The following HIVEP3 variants were observed in gnomAD, a reference collection of about 807,000 sequenced individuals.
HIVEP3 encodes the protein transcription factor HIVEP3.
A neutral mutation model predicts 152.8 loss-of-function variants in HIVEP3; 49 were observed. The ratio of observed to expected loss-of-function variants is 0.32; its 90% CI spans 0.26 to 0.41. The LOEUF is 0.41. Ranked by LOEUF, HIVEP3 falls within the 10% of genes least tolerant of loss-of-function variation. The pLI is 1.00. For missense variants in HIVEP3, 2,790 were observed against 3,103.3 expected (o/e 0.90, Z 2.40); for synonymous variants, 1,269 against 1,289.0 (o/e 0.98, Z 0.33).
chr1:41,686,472 G>A (rs1196462348), intron 2 of HIVEP3, among the ~76,000 whole-genome samples: 1 of 152,188 alleles, frequency 6.6e-6, no homozygotes, highest in Non-Finnish European at 1.5e-5. Flanking sequence ...CAAGGAGTAG[G>A]AATCCATCAA....
chr1:41,856,267 G>A (rs1643762844), intron 1 of HIVEP3, among the ~76,000 whole-genome samples: 1 of 152,194 alleles, frequency 6.6e-6, no homozygotes, highest in Admixed American at 6.5e-5. Context: ...TGATTGAAAA[G>A]CAAATGAACA....
At chr1:41,820,842 G>C (rs1179949928) in intron 1 of HIVEP3, among the ~76,000 whole-genome samples, 1 of 152,236 alleles carries the variant, frequency 6.6e-6, no homozygotes, top group African/African-American at 2.4e-5. Flanking sequence ...CTAGCACAGA[G>C]TAGGAACTCA....
In HIVEP3 at chr1:41,510,940, C is replaced by T; in HGVS notation, c.6732G>A (p.Trp2244Ter). The change falls in exon 9 of 9, where the codon TGG becomes TGA. Residue 2244 changes from tryptophan (W) to a stop codon, truncating the protein, a stop_gained. Transcript: ENST00000372583. LOFTEE classifies it high-confidence loss of function. ...GAREAQERGR[W>*]SPTESSSASV... ...AGGCTGACGAGCTCTCAGTGGGACTCCAGCGGCCTCGCTCCTGGGCCTCCC... is the reference window on the plus strand; with the variant it reads ...AGGCTGACGAGCTCTCAGTGGGACTTCAGCGGCCTCGCTCCTGGGCCTCCC... 1 of 1,613,582 alleles carries T rather than the reference C, an allele frequency of 6.2e-7. No homozygotes were observed. Among genetic ancestry groups the T allele is most frequent in the Non-Finnish European group, 8.5e-7 (1 of 1,179,868 alleles).
chr1:41,629,041 C>G (rs989647606), intron 2 of HIVEP3, 94 bp from the exon 3 acceptor site: 1 of 926,008 alleles, frequency 1.1e-6, no homozygotes, highest in Non-Finnish European at 1.4e-6. Flanking sequence ...GGAGGACACA[C>G]CCCCCAACTA....
upstream of HIVEP3, among the ~76,000 whole-genome samples, chr1:41,922,970 A>G (rs1236069550): frequency 6.6e-6 from 1 of 152,202 alleles, no homozygotes; most frequent in Non-Finnish European, 1.5e-5. Flanking sequence ...GTTGAAATAG[A>G]TGATGACAAA....
intron 5 of HIVEP3, among the ~76,000 whole-genome samples, chr1:41,526,695 TC>T (rs2149054763): frequency 3.4e-5 from 1 of 29,332 alleles, no homozygotes; most frequent in African/African-American, 1.5e-4. Flanking sequence ...ACACTCACCC[TC>T]ACGCACACTC....
chr1:41,526,357 C>A (rs1342906937), intron 5 of HIVEP3, among the ~76,000 whole-genome samples: 2 of 143,854 alleles, frequency 1.4e-5, no homozygotes, highest in African/African-American at 5.2e-5. Context: ...CACACTCACC[C>A]TCACACTCAC....
chr1:41,628,391 C>T (rs1399125887), intron 3 of HIVEP3, among the ~76,000 whole-genome samples: 5 of 152,188 alleles, frequency 3.3e-5, no homozygotes, highest in Admixed American at 1.3e-4. Context: ...CAGGAGCACA[C>T]AGTTGGACTG....
chr1:41,711,036 C>T (rs931537913), intron 1 of HIVEP3, among the ~76,000 whole-genome samples: 3 of 152,244 alleles, frequency 2.0e-5, no homozygotes, highest in African/African-American at 7.2e-5. Flanking sequence ...GTCCCTGAGT[C>T]AGCCCTTTTC....
intron 2 of HIVEP3, among the ~76,000 whole-genome samples, chr1:41,640,692 C>T (rs941675047): frequency 1.3e-5 from 2 of 152,196 alleles, no homozygotes; most frequent in African/African-American, 4.8e-5. Flanking sequence ...GTTGTAGACA[C>T]AGAAGCCAGA....
chr1:41,865,879 GA>G (rs573830320), intron 1 of HIVEP3, among the ~76,000 whole-genome samples: 15 of 151,760 alleles, frequency 9.9e-5, no homozygotes, highest in African/African-American at 2.7e-4. Flanking sequence ...TGGCAAAAAG[GA>G]AAAAAAACCA....
intron 5 of HIVEP3, among the ~76,000 whole-genome samples, chr1:41,528,049 C>CT (rs1317078521): frequency 1.9e-4 from 1 of 5,208 alleles, no homozygotes. Flanking sequence ...CACTCCACAC[C>CT]CCCCTCACTT....
intron 1 of HIVEP3, among the ~76,000 whole-genome samples, chr1:41,786,140 A>G (rs1649335616): frequency 6.6e-6 from 1 of 152,224 alleles, no homozygotes; most frequent in South Asian, 2.1e-4. Flanking sequence ...CTCAGCTTAC[A>G]CTGTGGTCCT....
At chr1:41,799,405 C>T (rs1171548590) in intron 1 of HIVEP3, among the ~76,000 whole-genome samples, 9 of 152,178 alleles carry the variant, frequency 5.9e-5, no homozygotes, top group Middle Eastern at 3.2e-3. Flanking sequence ...GCTATTCCAC[C>T]AGCCTAGAAT....
intron 2 of HIVEP3, among the ~76,000 whole-genome samples, chr1:41,651,110 A>G (rs1645541735): frequency 6.6e-6 from 1 of 152,218 alleles, no homozygotes; most frequent in South Asian, 2.1e-4. Context: ...GATCAAAAAT[A>G]GTTGGAACAA....
Position 41,580,682 on chromosome 1 carries a change from A to G in HIVEP3, c.4116T>C (p.Asp1372=), listed in dbSNP as rs1383561654. The change falls in exon 4 of 9, where the codon GAT becomes GAC. Residue 1372 remains aspartate, a synonymous_variant. Transcript: ENST00000372583. ...PSKGTTVCGA[D]VHEVGPGPSG... ...AAGGGCCGGGCCCAACCTCATGCAC[A>G]TCTGCACCACATACAGTCGTCCCCT... 1 of 1,612,038 alleles carries G rather than the reference A, an allele frequency of 6.2e-7. No individual in the cohort carries two copies. The highest frequency in any genetic ancestry group is 1.7e-5 in the Admixed American group (1 of 59,874).
At chr1:41,757,146 C>T (rs904176323) in intron 1 of HIVEP3, among the ~76,000 whole-genome samples, 5 of 142,972 alleles carry the variant, frequency 3.5e-5, no homozygotes, top group South Asian at 2.2e-4. Context: ...GATGGAATCT[C>T]GCTCTGTGGC....
chr1:41,669,284 C>A (rs1431846072), intron 2 of HIVEP3, among the ~76,000 whole-genome samples: 1 of 152,030 alleles, frequency 6.6e-6, no homozygotes, highest in African/African-American at 2.4e-5. Context: ...TGAGGGGAGA[C>A]CTGGGGAGGG....
chr1:41,780,283 T>C (rs1429122175), intron 1 of HIVEP3, among the ~76,000 whole-genome samples: 1 of 69,448 alleles, frequency 1.4e-5, no homozygotes, highest in Non-Finnish European at 2.8e-5. Context: ...GGTGGGGCCT[T>C]GGCCACTCTG....
Sources: allele counts gnomAD v4.1 joint callset (sites outside exome capture counted in the v4.1 genomes callset), GRCh38; gene constraint gnomAD v4.1.1; transcripts MANE v1.5; gene names NCBI Gene and HGNC (gene_info 2026-07-23, HGNC 2026-07-21).